Variants in DCC observed in about 807,000 individuals in gnomAD.
DCC encodes DCC netrin 1 receptor.
A neutral mutation model predicts 172.5 loss-of-function variants in DCC; 58 were observed. That is an observed-to-expected ratio of 0.34 (90% CI 0.27 to 0.42). The LOEUF (loss-of-function observed/expected upper bound fraction) is 0.42. Among genes scored for constraint, DCC ranks in the 10% least tolerant of loss-of-function variants. DCC has a pLI of 1.00. For missense variants in DCC, 1,740 were observed against 1,791.0 expected (o/e 0.97, Z 0.51); for synonymous variants, 709 against 644.5 (o/e 1.10, Z -1.52).
At chr18:52,696,151 T>A (rs1228466843) in intron 1 of DCC, among the ~76,000 whole-genome samples, 1 of 152,226 alleles carries the variant, frequency 6.6e-6, no homozygotes, top group African/African-American at 2.4e-5. Flanking sequence ...CAGAATTTAA[T>A]GAATATGGTC....
chr18:52,380,088 T>C (rs2144321613), intron 1 of DCC, among the ~76,000 whole-genome samples: 1 of 152,144 alleles, frequency 6.6e-6, no homozygotes, highest in South Asian at 2.1e-4. Flanking sequence ...TGGAAGAAGA[T>C]GAAAAGGCAA....
At chr18:52,383,059 C>A (rs1598878852) in intron 1 of DCC, among the ~76,000 whole-genome samples, 2 of 152,076 alleles carry the variant, frequency 1.3e-5, no homozygotes, top group African/African-American at 4.8e-5. Context: ...ATTTCTAATT[C>A]TTCACCATTA....
intron 5 of DCC, among the ~76,000 whole-genome samples, chr18:53,005,944 A>T (rs2041638500): frequency 6.6e-6 from 1 of 152,148 alleles, no homozygotes; most frequent in Admixed American, 6.5e-5. Context: ...TATGGGATCA[A>T]TGGGATTCCT....
chr18:52,824,965 C>T (rs564365220), intron 2 of DCC, among the ~76,000 whole-genome samples: 2 of 138,294 alleles, frequency 1.4e-5, no homozygotes, highest in South Asian at 2.7e-4. Context: ...GCGAGACTCC[C>T]TCATATATAT....
intron 12 of DCC, among the ~76,000 whole-genome samples, chr18:53,300,373 G>A (rs988474517): frequency 6.6e-5 from 10 of 152,092 alleles, no homozygotes; most frequent in African/African-American, 2.4e-4. Flanking sequence ...CTGTAAACAA[G>A]CACCCTTTTT....
chr18:52,413,534 A>T (rs887099365), intron 1 of DCC, among the ~76,000 whole-genome samples: 34 of 152,006 alleles, frequency 2.2e-4, no homozygotes, highest in African/African-American at 8.0e-4. Context: ...AAATGATAAA[A>T]GTTATTTATT....
chr18:53,376,026 T>C (rs1396962398), intron 15 of DCC, among the ~76,000 whole-genome samples: 1 of 152,154 alleles, frequency 6.6e-6, no homozygotes, highest in Non-Finnish European at 1.5e-5. Flanking sequence ...GCCTTGCCAT[T>C]TCTAAAATAG....
rs566965427 is a variant in DCC at position 53,241,373 on chromosome 18, A to T, written c.1911+25776A>T. Among the ~76,000 whole-genome samples the T allele has an allele frequency of 5.3e-5, 8 of 152,154 alleles. 1 individual carries two copies. The South Asian group carries it at 1.7e-3, about 32-fold the overall frequency. ...AAGGAAGAGGTTAACCAGAGAACAC[A>T]CCCATTCTCCCCAGTCCTGCTTTCC... On this transcript the variant is annotated intron_variant, in intron 12 of 28. Coordinates refer to ENST00000442544, the MANE Select transcript of DCC (RefSeq NM_005215.4).
intron 1 of DCC, among the ~76,000 whole-genome samples, chr18:52,471,243 A>G (rs1234348066): frequency 1.3e-5 from 2 of 152,162 alleles, no homozygotes; most frequent in Non-Finnish European, 2.9e-5. Context: ...TCAGTTGCTC[A>G]GGAGGCTAAG....
At chr18:53,204,448 G>A (rs2055593422) in intron 9 of DCC, among the ~76,000 whole-genome samples, 1 of 152,002 alleles carries the variant, frequency 6.6e-6, no homozygotes, top group South Asian at 2.1e-4. Context: ...TCAGGAAGCT[G>A]AGACAGGAGG....
At chr18:53,208,104 TG>T (rs369039932) in intron 11 of DCC, among the ~76,000 whole-genome samples, 247 of 143,638 alleles carry the variant, frequency 1.7e-3, no homozygotes, top group Admixed American at 3.5e-3. Context: ...TCTCTGTAAA[TG>T]TTTTTTTTTT....
At chr18:53,418,484 G>GC (rs1235066604) in intron 21 of DCC, among the ~76,000 whole-genome samples, 5 of 152,148 alleles carry the variant, frequency 3.3e-5, no homozygotes, top group African/African-American at 1.2e-4. Context: ...AGACCTATTT[G>GC]CCCCCTTCTC....
intron 1 of DCC, among the ~76,000 whole-genome samples, chr18:52,720,449 G>T (rs10515955): frequency 0.13 from 20,209 of 152,102 alleles, 2,265 homozygotes; most frequent in African/African-American, 0.31. Context: ...GTTAAGATCC[G>T]GAAGTGCTAT....
At chr18:52,829,732 C>T (rs1041407672) in intron 2 of DCC, among the ~76,000 whole-genome samples, 31 of 151,980 alleles carry the variant, frequency 2.0e-4, no homozygotes, top group Admixed American at 9.2e-4. Flanking sequence ...ATACTTTTTG[C>T]CAGGAACTGT....
chr18:52,796,961 G>T (rs2037887726), intron 2 of DCC, among the ~76,000 whole-genome samples: 1 of 150,440 alleles, frequency 6.6e-6, no homozygotes, highest in African/African-American at 2.4e-5. Flanking sequence ...TTAAAATTTT[G>T]GTCATTTTAT....
intron 5 of DCC, among the ~76,000 whole-genome samples, chr18:52,961,193 A>T (rs1228283766): frequency 2.6e-5 from 4 of 152,180 alleles, no homozygotes; most frequent in Non-Finnish European, 4.4e-5. Flanking sequence ...CTAATGTTAA[A>T]TGAAGAGTTA....
intron 1 of DCC, among the ~76,000 whole-genome samples, chr18:52,521,694 T>G (rs1418670864): frequency 6.6e-6 from 1 of 152,100 alleles, no homozygotes; most frequent in Non-Finnish European, 1.5e-5. Flanking sequence ...GTTACACTAG[T>G]TTGAGGAAGT....
At chr18:53,194,690 G>T (rs990094133) in intron 9 of DCC, among the ~76,000 whole-genome samples, 2 of 152,148 alleles carry the variant, frequency 1.3e-5, no homozygotes, top group African/African-American at 4.8e-5. Flanking sequence ...GGCTGGTCTT[G>T]AATTCCTGAC....
intron 25 of DCC, among the ~76,000 whole-genome samples, chr18:53,469,255 A>T (rs1405246863): frequency 6.6e-6 from 1 of 152,132 alleles, no homozygotes; most frequent in East Asian, 1.9e-4. Flanking sequence ...ACCTGGTAAA[A>T]TAAGCAGCTC....
Sources: allele counts gnomAD v4.1 joint callset (sites outside exome capture counted in the v4.1 genomes callset), GRCh38; gene constraint gnomAD v4.1.1; transcripts MANE v1.5; gene names NCBI Gene and HGNC (gene_info 2026-07-23, HGNC 2026-07-21).